The following MPP7 variants were observed in gnomAD, a reference collection of about 807,000 sequenced individuals.
The protein encoded by MPP7 is MAGUK p55 scaffold protein 7.
In MPP7, 60 loss-of-function variants were observed where a neutral mutation model predicts 76.5. The ratio of observed to expected loss-of-function variants is 0.78; its 90% CI spans 0.64 to 0.97. The LOEUF is 0.97. Ranked by LOEUF, MPP7 falls within the 50% of genes least tolerant of loss-of-function variation. The pLI is 0.00. For synonymous variants in MPP7, 237 were observed against 244.5 expected (o/e 0.97, Z 0.29); for missense variants, 641 against 694.0 (o/e 0.92, Z 0.86).
intron 11 of MPP7, among the ~76,000 whole-genome samples, chr10:28,100,321 G>C (rs1379011253): frequency 1.3e-5 from 2 of 152,018 alleles, no homozygotes; most frequent in Non-Finnish European, 2.9e-5. Flanking sequence ...TCTAAATGAT[G>C]CTCTCATTAT....
chr10:28,299,420 T>C (rs1466430341), intron 1 of MPP7, among the ~76,000 whole-genome samples: 1 of 152,198 alleles, frequency 6.6e-6, no homozygotes, highest in Non-Finnish European at 1.5e-5. Flanking sequence ...GTAACATTTA[T>C]CAGTTAAGTT....
chr10:28,070,808 C>T (rs980141328), intron 12 of MPP7, among the ~76,000 whole-genome samples: 22 of 152,204 alleles, frequency 1.4e-4, no homozygotes, highest in Non-Finnish European at 2.4e-4. Flanking sequence ...ATTATGAGTC[C>T]GGGACCAGAA....
intron 3 of MPP7, among the ~76,000 whole-genome samples, chr10:28,194,714 C>A (rs949221916): frequency 6.6e-6 from 1 of 152,108 alleles, no homozygotes; most frequent in African/African-American, 2.4e-5. Flanking sequence ...GATTGCTGAG[C>A]TGGGGAGGGA....
rs775712498 is a variant in MPP7 at position 28,332,243 on chromosome 10, A to ATGTGTG, written c.-206+2174_-206+2175insCACACA. ...CGTACATTGCCAGTTTGTCAAATGT[A>ATGTGTG]TGCGTGTGTGTGTGTGTGTGTGTGT... On this transcript the variant is annotated intron_variant, in intron 1 of 11. Coordinates refer to the MPP7 transcript ENST00000441595. 1.5e-3 allele frequency among the ~76,000 whole-genome samples: 148 copies of ATGTGTG among 102,042 alleles called. 1 individual carries two copies. Among genetic ancestry groups the ATGTGTG allele is most frequent in the Middle Eastern group, 0.014 (3 of 210 alleles). 66.9% of individuals were successfully genotyped at this position (102,042 alleles called of 152,430 possible). A position where few individuals can be genotyped will look rare whatever the true frequency, so the allele number is the denominator to read the frequency against.
chr10:28,256,868 AAAT>A (rs1265623822), intron 1 of MPP7, among the ~76,000 whole-genome samples: 1 of 152,200 alleles, frequency 6.6e-6, no homozygotes, highest in African/African-American at 2.4e-5. Context: ...GAACCAAGAC[AAAT>A]AATAAGTCAT....
Position 28,085,439 on chromosome 10 carries a change from C to G in MPP7, c.1123+4232G>C, listed in dbSNP as rs76540768. Among the ~76,000 whole-genome samples, 24 of 152,254 alleles carry G rather than the reference C, an allele frequency of 1.6e-4. No individual in the cohort carries two copies. The East Asian group carries it at 3.3e-3, about 21-fold the overall frequency. The stretch of plus-strand genomic sequence containing the variant: ...TTAAAATTTAAAAACTTGCTTGAGA[C>G]TGTTTGAAAGGAGTTGGGAACAGCA... On this transcript the variant is annotated intron_variant, in intron 12 of 16. Coordinates refer to ENST00000683449, the MANE Select transcript of MPP7 (RefSeq NM_001318170.2).
rs1834448348 is a variant in MPP7 at position 28,109,869 on chromosome 10, A to AAAAAC, written c.952+9777_952+9781dup. ...GACGCAAAAAAAAAAAAAAAAAAAA[A>AAAAAC]AAAACACTTAAAACAATTAGGTAAA... On this transcript the variant is annotated intron_variant, in intron 11 of 16. Coordinates refer to ENST00000683449, the MANE Select transcript of MPP7 (RefSeq NM_001318170.2). Among the ~76,000 whole-genome samples the AAAAAC allele has an allele frequency of 1.0e-4, 15 of 149,606 alleles. No individual in the cohort carries two copies. The South Asian group carries it at 2.6e-3, about 26-fold the overall frequency.
chr10:28,195,027 C>T (rs1167381413), intron 3 of MPP7, among the ~76,000 whole-genome samples: 1 of 152,106 alleles, frequency 6.6e-6, no homozygotes, highest in African/African-American at 2.4e-5. Flanking sequence ...AACAGTTCTA[C>T]AAAGTAAAGT....
chr10:28,121,282 T>A (rs1176728343), intron 8 of MPP7, among the ~76,000 whole-genome samples: 1 of 148,764 alleles, frequency 6.7e-6, no homozygotes, highest in African/African-American at 2.5e-5. Context: ...TTTTTTTTTT[T>A]AAAGAATAAT....
intron 7 of MPP7, 121 bp downstream of exon 7, chr10:28,124,889 T>C: frequency 1.3e-6 from 1 of 779,484 alleles, no homozygotes; most frequent in Admixed American, 2.0e-5. Context: ...CAGAGAAAAA[T>C]ATCTTATTAC....
chr10:28,122,793 C>T (rs990993493), intron 8 of MPP7, among the ~76,000 whole-genome samples: 1 of 152,020 alleles, frequency 6.6e-6, no homozygotes, highest in African/African-American at 2.4e-5. Flanking sequence ...ATTTTTCATA[C>T]AATCTCATTT....
At chr10:28,203,732 G>C (rs916145652) in intron 2 of MPP7, among the ~76,000 whole-genome samples, 1 of 152,152 alleles carries the variant, frequency 6.6e-6, no homozygotes, top group Middle Eastern at 3.2e-3. Flanking sequence ...AAGTCAAAAT[G>C]TGAAATTATG....
chr10:28,132,931 T>C (rs193039926), intron 5 of MPP7, among the ~76,000 whole-genome samples: 1 of 142,594 alleles, frequency 7.0e-6, no homozygotes, highest in East Asian at 1.9e-4. Flanking sequence ...AAAATATACC[T>C]AAAGGTTTTC....
At chr10:28,087,479 T>G (rs1393315683) in intron 12 of MPP7, among the ~76,000 whole-genome samples, 1 of 152,086 alleles carries the variant, frequency 6.6e-6, no homozygotes, top group Non-Finnish European at 1.5e-5. Flanking sequence ...CACTGCAACC[T>G]CTGCCTCCCA....
At chr10:28,213,223 T>C (rs1378214256) in intron 2 of MPP7, among the ~76,000 whole-genome samples, 1 of 152,034 alleles carries the variant, frequency 6.6e-6, no homozygotes, top group Non-Finnish European at 1.5e-5. Context: ...AACAGAGAAT[T>C]GATCCTTGTA....
At chr10:28,153,795 T>A (rs555683880) in intron 3 of MPP7, among the ~76,000 whole-genome samples, 1 of 152,316 alleles carries the variant, frequency 6.6e-6, no homozygotes, top group Non-Finnish European at 1.5e-5. Context: ...GACTCCACCA[T>A]GGTCATCTGC....
At chr10:28,165,196 T>C (rs1464049334) in intron 3 of MPP7, among the ~76,000 whole-genome samples, 1 of 152,116 alleles carries the variant, frequency 6.6e-6, no homozygotes, top group Non-Finnish European at 1.5e-5. Context: ...CTATGTTACC[T>C]CACATGGTAA....
At chr10:28,175,183 G>A (rs1196880206) in intron 3 of MPP7, among the ~76,000 whole-genome samples, 1 of 152,056 alleles carries the variant, frequency 6.6e-6, no homozygotes, top group Non-Finnish European at 1.5e-5. Context: ...CCAGCTACCT[G>A]GGAGTCTGAG....
intron 3 of MPP7, among the ~76,000 whole-genome samples, chr10:28,152,021 T>C (rs1485954931): frequency 6.6e-6 from 1 of 152,224 alleles, no homozygotes; most frequent in Admixed American, 6.5e-5. Flanking sequence ...TGGTTCCTCT[T>C]CATCCCTTGT....
Sources: gnomAD v4.1 joint callset for allele counts (sites outside exome capture counted in the v4.1 genomes callset) on GRCh38, gnomAD v4.1.1 for gene constraint, MANE v1.5 for transcripts, NCBI Gene and HGNC (gene_info 2026-07-23, HGNC 2026-07-21) for gene names.